LDB3: variants seen among roughly 807,000 people sequenced by gnomAD.
The protein encoded by LDB3 is LIM domain binding 3.
Under a neutral mutation model 69.0 loss-of-function variants are expected in LDB3, and 49 were observed. That is an observed-to-expected ratio of 0.71 (90% CI 0.56 to 0.90). LDB3 has a LOEUF of 0.90. LDB3 is among the 40% of genes least tolerant of loss of function. The probability of loss-of-function intolerance (pLI) is 0.00; values close to 1 mark genes in which losing one functional copy is unlikely to be tolerated. For missense variants in LDB3, 928 were observed against 974.1 expected, an observed-to-expected ratio of 0.95 and a Z score of 0.63; for synonymous variants, 387 against 396.2, an observed-to-expected ratio of 0.98 and a Z score of 0.28.
intron 13 of LDB3, chr10:86,726,592 C>T (rs542680052): frequency 5.1e-6 from 2 of 391,844 alleles, no homozygotes; most frequent in African/African-American, 4.1e-5. Flanking sequence ...CAGTTGGCTT[C>T]CCATGGTTAT....
At chr10:86,688,303 T>A (rs1327474037) in intron 5 of LDB3, among the ~76,000 whole-genome samples, 3 of 152,088 alleles carry the variant, frequency 2.0e-5, no homozygotes, top group Non-Finnish European at 4.4e-5. Flanking sequence ...GATGGAGGGA[T>A]TAAAAAGTCC....
In LDB3 at chr10:86,712,053, T is replaced by A. The variant is rs1846689089; in HGVS notation, c.1231+2003T>A. ...ATGGGATATCAGGTCTCTCCTGGCG[T>A]GACGGCGAGCCAGGCTGAAGGATGC... On this transcript the variant is annotated intron_variant, in intron 9 of 13. Coordinates refer to ENST00000361373, the MANE Select transcript of LDB3 (RefSeq NM_007078.3). Among the ~76,000 whole-genome samples, 3 of 151,978 alleles carry A rather than the reference T, an allele frequency of 2.0e-5. No homozygotes were observed. The South Asian group carries it at 6.2e-4, about 32-fold the overall frequency.
chr10:86,709,421 T>G (rs1846556526), intron 8 of LDB3, among the ~76,000 whole-genome samples: 1 of 152,152 alleles, frequency 6.6e-6, no homozygotes, highest in Non-Finnish European at 1.5e-5. Flanking sequence ...GGCAGTCTCC[T>G]GACTTCCCCT....
At chr10:86,697,698 C>T (rs1339282189) in intron 7 of LDB3, among the ~76,000 whole-genome samples, 3 of 151,368 alleles carry the variant, frequency 2.0e-5, no homozygotes, top group Non-Finnish European at 2.9e-5. Context: ...GGACTACAAG[C>T]GCATGCCATC....
At chr10:86,732,831 A>C in intron 13 of LDB3, 56 bp from the exon 14 acceptor site, 1 of 1,416,334 alleles carries the variant, frequency 7.1e-7, no homozygotes, top group Non-Finnish European at 9.9e-7. Flanking sequence ...AAGTGATTGA[A>C]ATCTGCTCAT....
intron 2 of LDB3, among the ~76,000 whole-genome samples, chr10:86,677,853 G>A (rs935692091): frequency 2.6e-5 from 4 of 152,148 alleles, no homozygotes; most frequent in Admixed American, 6.5e-5. Context: ...AAAGCACCTG[G>A]CACTAAGATG....
intron 5 of LDB3, among the ~76,000 whole-genome samples, chr10:86,688,432 G>A (rs1845607061): frequency 6.6e-6 from 1 of 152,170 alleles, no homozygotes; most frequent in Admixed American, 6.5e-5. Context: ...GGCTCTCTGG[G>A]CTCTGCTGGA....
intron 7 of LDB3, among the ~76,000 whole-genome samples, chr10:86,693,932 T>TC (rs942292071): frequency 2.0e-5 from 3 of 152,070 alleles, no homozygotes; most frequent in Admixed American, 6.6e-5. Context: ...GGCTTCAAAA[T>TC]CCCCCCGGGT....
At chr10:86,719,392 C>CAAA (rs71487276) in intron 12 of LDB3, among the ~76,000 whole-genome samples, 1 of 134,214 alleles carries the variant, frequency 7.5e-6, no homozygotes, top group African/African-American at 2.7e-5. Flanking sequence ...TCCTGTATCT[C>CAAA]AAAAAAAAAA....
chr10:86,712,932 G>A (rs1019182565), intron 9 of LDB3, among the ~76,000 whole-genome samples: 1 of 151,986 alleles, frequency 6.6e-6, no homozygotes, highest in Admixed American at 6.5e-5. Flanking sequence ...GTGGTGGCGG[G>A]CGCCTGTAGT....
At chr10:86,676,564 CAA>C (rs71487272) in intron 2 of LDB3, among the ~76,000 whole-genome samples, 15 of 109,728 alleles carry the variant, frequency 1.4e-4, no homozygotes, top group Admixed American at 5.0e-4. Flanking sequence ...GACCCTGTCT[CAA>C]AAAAAAAAAA....
At chr10:86,686,676 T>C (rs1389254232) in intron 5 of LDB3, among the ~76,000 whole-genome samples, 2 of 151,146 alleles carry the variant, frequency 1.3e-5, no homozygotes, top group Non-Finnish European at 2.9e-5. Flanking sequence ...AATAGTGGCA[T>C]ATGCCTGTGG....
intron 8 of LDB3, 78 bp from the exon 9 acceptor site, chr10:86,709,827 T>C (rs1035312675): frequency 5.8e-6 from 9 of 1,544,596 alleles, no homozygotes; most frequent in Non-Finnish European, 7.9e-6. Context: ...TCTGAAGACC[T>C]GGGAGCCAGC....
chr10:86,697,378 C>T lies in LDB3; in HGVS notation c.896+4807C>T, dbSNP rs192768868. Among the ~76,000 whole-genome samples the T allele has an allele frequency of 6.2e-3, 945 of 151,514 alleles. 13 individuals carry two copies. Among genetic ancestry groups the T allele is most frequent in the African/African-American group, 0.022 (897 of 41,334 alleles). ...CTGGGATTACAGGCATGTGACACCA[C>T]GCCCGGCTAATTTTGTATTGTTAGT... On this transcript the variant is annotated intron_variant, in intron 7 of 13. Transcript: ENST00000361373.
intron 7 of LDB3, among the ~76,000 whole-genome samples, chr10:86,696,254 G>A (rs934066309): frequency 6.6e-6 from 1 of 152,100 alleles, no homozygotes; most frequent in South Asian, 2.1e-4. Context: ...ACAGCATAGG[G>A]CCCTCCTGCC....
Position 86,732,774 on chromosome 10 carries a change from G to T in LDB3, c.2095-113G>T, listed in dbSNP as rs1275340416. On this transcript the variant is annotated intron_variant, in intron 13 of 13. Coordinates refer to ENST00000361373, the MANE Select transcript of LDB3 (RefSeq NM_007078.3). ...CTGCCTTGGCCTTCCAAAGTGCTGG[G>T]ATTACAGGACTGAGCCACCACGCCT... The T allele has an allele frequency of 5.1e-6, 4 of 788,214 alleles. No homozygotes were observed. The Admixed American group carries it at 8.3e-5, about 16-fold the overall frequency. 48.8% of individuals were successfully genotyped at this position (788,214 alleles called of 1,614,324 possible). A position where few individuals can be genotyped will look rare whatever the true frequency, so the allele number is the denominator to read the frequency against.
intron 12 of LDB3, 115 bp from the exon 13 acceptor site, chr10:86,726,018 GACAA>G (rs1847238435): frequency 5.6e-6 from 4 of 713,268 alleles, no homozygotes; most frequent in African/African-American, 1.7e-5. Context: ...TCTGTGAGAT[GACAA>G]ACAACCAATT....
At position 86,707,966 on chromosome 10, in the gene LDB3, A is replaced by T. The variant is rs116913066; in HGVS notation, c.1085+1247A>T. Among the ~76,000 whole-genome samples the T allele has an allele frequency of 2.1e-3, 320 of 152,354 alleles. 2 individuals carry two copies. The highest frequency in any genetic ancestry group is 3.7e-3 in the Non-Finnish European group (249 of 68,024). ...GATGAAACTTTGAGGAGGGCAAGAA[A>T]TGCCTCTGTTTTTGAGTGGGAAGAA... On this transcript the variant is annotated intron_variant, in intron 8 of 13. Transcript: ENST00000361373.
chr10:86,728,841 A>G (rs559044258), intron 13 of LDB3, among the ~76,000 whole-genome samples: 170 of 152,106 alleles, frequency 1.1e-3, no homozygotes, highest in African/African-American at 4.0e-3. Context: ...CGGCCTCCCA[A>G]AGTGCTGGGA....
Sources: allele counts gnomAD v4.1 joint callset (sites outside exome capture counted in the v4.1 genomes callset), GRCh38; gene constraint gnomAD v4.1.1; transcripts MANE v1.5; gene names NCBI Gene and HGNC (gene_info 2026-07-23, HGNC 2026-07-21).